Variants in LRPPRC observed in about 807,000 individuals in gnomAD.
LRPPRC encodes leucine rich pentatricopeptide repeat containing.
LRPPRC carries 120 observed loss-of-function variants against 180.3 expected under a neutral mutation model. The ratio of observed to expected loss-of-function variants is 0.67; its 90% CI spans 0.57 to 0.77. LRPPRC has a LOEUF of 0.77. Among genes scored for constraint, LRPPRC ranks in the 30% least tolerant of loss-of-function variants. The probability of loss-of-function intolerance (pLI) is 0.00; values close to 1 mark genes in which losing one functional copy is unlikely to be tolerated. For synonymous variants in LRPPRC, 723 were observed against 600.0 expected (o/e 1.21, Z -3.00); for missense variants, 2,012 against 1,657.2 (o/e 1.21, Z -3.72).
chr2:43,973,623 C>A lies in LRPPRC; in HGVS notation c.1353G>T (p.Lys451Asn). Residue 451 changes from lysine (K) to asparagine (N), a missense_variant, in exon 11 of 38, where the codon AAG becomes AAT. By Grantham distance (94) the Lys-to-Asn change is moderately conservative (BLOSUM62 0). Transcript: ENST00000260665. ...YFWPLLVGRRKEKNVQGIIEI... is the reference protein window; with the variant it reads ...YFWPLLVGRRNEKNVQGIIEI... Reference sequence around the variant, plus strand: ...AAATCTAACCTTGAACATTTTTTTCCTTCCGACGTCCAACTAGCAATGGCC... The same window carrying A: ...AAATCTAACCTTGAACATTTTTTTCATTCCGACGTCCAACTAGCAATGGCC... 1.2e-6 allele frequency: 2 copies of A among 1,613,098 alleles called. No homozygotes were observed. The highest frequency in any genetic ancestry group is 1.1e-5 in the South Asian group (1 of 91,064).
chr2:43,941,769 T>A (rs543415100), intron 23 of LRPPRC, among the ~76,000 whole-genome samples: 1 of 144,468 alleles, frequency 6.9e-6, no homozygotes, highest in African/African-American at 2.6e-5. Context: ...AAAGAGTCAA[T>A]AGCCCTTTTT....
chr2:43,896,076 C>T (rs1482753917), intron 35 of LRPPRC, among the ~76,000 whole-genome samples: 1 of 151,922 alleles, frequency 6.6e-6, no homozygotes, highest in African/African-American at 2.4e-5. Flanking sequence ...TGGTTTATAC[C>T]TGATAAATGC....
chr2:43,948,291 A>T, intron 17 of LRPPRC, 92 bp from the exon 18 acceptor site: 1 of 936,620 alleles, frequency 1.1e-6, no homozygotes, highest in Non-Finnish European at 1.8e-6. Context: ...ACATAATTTA[A>T]GTCTCCAACT....
chr2:43,912,650 A>T (rs955078304), intron 29 of LRPPRC, 92 bp from the exon 30 acceptor site: 7 of 1,091,160 alleles, frequency 6.4e-6, no homozygotes, highest in Admixed American at 3.8e-5. Flanking sequence ...CCTAAACCCA[A>T]ATATTTTTGC....
chr2:43,912,954 T>C (rs2105014045), intron 29 of LRPPRC, among the ~76,000 whole-genome samples: 1 of 152,316 alleles, frequency 6.6e-6, no homozygotes, highest in Non-Finnish European at 1.5e-5. Flanking sequence ...AGGTATAATT[T>C]AGATTGAGGG....
Position 43,914,729 on chromosome 2 carries a change from A to C in LRPPRC, c.3149-2171T>G, listed in dbSNP as rs1448492038. ...GGGTGATAGAGCAACATTCTGCCTC[A>C]AAAAAAAAGAAAAGAAAAGAATTAA... On this transcript the variant is annotated intron_variant, in intron 29 of 37. Coordinates refer to ENST00000260665, the MANE Select transcript of LRPPRC (RefSeq NM_133259.4). Among the ~76,000 whole-genome samples, 7 of 151,406 alleles carry C rather than the reference A, an allele frequency of 4.6e-5. No homozygotes were observed. In the South Asian group the frequency reaches 1.5e-3, roughly 31 times the overall value.
intron 23 of LRPPRC, among the ~76,000 whole-genome samples, chr2:43,942,200 C>T (rs956915733): frequency 1.3e-5 from 2 of 152,118 alleles, no homozygotes; most frequent in Non-Finnish European, 2.9e-5. Flanking sequence ...TCTACGATGG[C>T]CTCATTTTCA....
chr2:43,931,407 T>C (rs1290409177), intron 25 of LRPPRC, among the ~76,000 whole-genome samples: 1 of 152,186 alleles, frequency 6.6e-6, no homozygotes, highest in Non-Finnish European at 1.5e-5. Flanking sequence ...AAATGTCTGA[T>C]AATGTACCAG....
At chr2:43,919,756 G>A (rs1016906256) in intron 27 of LRPPRC, among the ~76,000 whole-genome samples, 2 of 151,950 alleles carry the variant, frequency 1.3e-5, no homozygotes, top group Admixed American at 6.6e-5. Context: ...GACACTAAGT[G>A]TAATACAATT....
At chr2:43,921,239 C>T (rs1387381139) in intron 27 of LRPPRC, among the ~76,000 whole-genome samples, 2 of 152,164 alleles carry the variant, frequency 1.3e-5, no homozygotes, top group East Asian at 3.8e-4. Context: ...TTACAGTGAG[C>T]TGAGATCGGG....
intron 27 of LRPPRC, among the ~76,000 whole-genome samples, chr2:43,920,541 C>G (rs985268206): frequency 1.3e-5 from 2 of 152,174 alleles, no homozygotes; most frequent in Non-Finnish European, 2.9e-5. Context: ...ATTAGCCCAA[C>G]TAATATAAAA....
intron 1 of LRPPRC, among the ~76,000 whole-genome samples, chr2:43,987,914 C>T (rs1674598762): frequency 6.6e-6 from 1 of 151,936 alleles, no homozygotes; most frequent in Admixed American, 6.6e-5. Flanking sequence ...TAAATTAGAC[C>T]TTTAAAAATA....
rs2103715575 is a variant in LRPPRC, at chr2:43,974,753, C to T, written c.870G>A (p.Leu290=). ...KGDIDHVKQT[L]EKVEKSELHL... ...GAAGCTCGGACTTCTCCACCTTCTC[C>T]AGAGTCTATAGAGAGTTCCAGAAAT... The change falls in exon 8 of 38, where the codon CTG becomes CTA. Residue 290 remains leucine, a synonymous_variant. Coordinates refer to ENST00000260665, the MANE Select transcript of LRPPRC (RefSeq NM_133259.4). The T allele has an allele frequency of 1.2e-6, 2 of 1,613,308 alleles. No individual in the cohort carries two copies. Among genetic ancestry groups the T allele is most frequent in the Non-Finnish European group, 8.5e-7 (1 of 1,179,444 alleles).
chr2:43,944,341 T>C (rs957663212), intron 22 of LRPPRC, among the ~76,000 whole-genome samples: 3 of 152,108 alleles, frequency 2.0e-5, no homozygotes, highest in Admixed American at 6.6e-5. Flanking sequence ...GCTATGTCGA[T>C]ACTAATTAGC....
rs1404645908 is a variant in LRPPRC, at chr2:43,925,114, A to T, written c.2849T>A (p.Phe950Tyr). The change falls in exon 27 of 38, where the codon TTT becomes TAT. Residue 950 changes from phenylalanine to tyrosine, a missense_variant. Phe to Tyr is a conservative substitution (Grantham distance 22). Transcript: ENST00000260665. The part of the protein sequence containing the change: ...EKLVELTQKL[F>Y]ECDRDQMYYN... Reference sequence around the variant, plus strand: ...GTACATCTGGTCTCTATCACATTCAAATAGCTTCTGTGTCAGCTCCACTAA... The same window carrying T: ...GTACATCTGGTCTCTATCACATTCATATAGCTTCTGTGTCAGCTCCACTAA... 6.2e-7 allele frequency: 1 copy of T among 1,604,432 alleles called. No individual in the cohort carries two copies. The highest frequency in any genetic ancestry group is 8.5e-7 in the Non-Finnish European group (1 of 1,171,350).
intron 16 of LRPPRC, 32 bp downstream of exon 16, chr2:43,949,570 A>T: frequency 6.4e-7 from 1 of 1,574,254 alleles, no homozygotes; most frequent in Non-Finnish European, 8.7e-7. Context: ...GGATTTGTGG[A>T]TAAGTTACAA....
intron 22 of LRPPRC, among the ~76,000 whole-genome samples, chr2:43,944,390 T>C (rs1006500682): frequency 6.6e-6 from 1 of 152,136 alleles, no homozygotes; most frequent in African/African-American, 2.4e-5. Flanking sequence ...AGACTGCATG[T>C]TAATACATTA....
chr2:43,952,043 A>G (rs1477514752), intron 14 of LRPPRC, among the ~76,000 whole-genome samples: 1 of 152,102 alleles, frequency 6.6e-6, no homozygotes, highest in Non-Finnish European at 1.5e-5. Context: ...AAAATACAAA[A>G]TTAGCCAGGC....
chr2:43,918,767 G>C (rs1671571440), intron 27 of LRPPRC, among the ~76,000 whole-genome samples: 1 of 143,334 alleles, frequency 7.0e-6, no homozygotes, highest in Non-Finnish European at 1.5e-5. Context: ...GCGTTGCAAA[G>C]ATCCTGGAAA....
Sources: allele counts gnomAD v4.1 joint callset (sites outside exome capture counted in the v4.1 genomes callset), GRCh38; gene constraint gnomAD v4.1.1; transcripts MANE v1.5; gene names NCBI Gene and HGNC (gene_info 2026-07-23, HGNC 2026-07-21).